Variants in TNPO3 observed in about 807,000 individuals in gnomAD.
TNPO3 encodes transportin-3.
Under a neutral mutation model 122.8 loss-of-function variants are expected in TNPO3, and 65 were observed. The ratio of observed to expected loss-of-function variants is 0.53; its 90% CI spans 0.43 to 0.65. The LOEUF (loss-of-function observed/expected upper bound fraction) is 0.65. TNPO3 is among the 30% of genes least tolerant of loss of function. TNPO3 has a pLI of 0.00. For missense variants in TNPO3, 850 were observed against 1,136.7 expected, an observed-to-expected ratio of 0.75 and a Z score of 3.63; for synonymous variants, 372 against 411.2, an observed-to-expected ratio of 0.90 and a Z score of 1.15.
At chr7:129,007,745 G>GT (rs1802730613) in intron 4 of TNPO3, among the ~76,000 whole-genome samples, 1 of 152,176 alleles carries the variant, frequency 6.6e-6, no homozygotes. Context: ...AATTAACCAC[G>GT]TAACTATGAG....
intron 1 of TNPO3, among the ~76,000 whole-genome samples, chr7:129,026,264 C>G (rs1805154402): frequency 6.6e-6 from 1 of 151,922 alleles, no homozygotes; most frequent in South Asian, 2.1e-4. Flanking sequence ...AGGGCAGAAG[C>G]AAAAAAACAA....
chr7:129,050,906 T>A (rs944028752), intron 1 of TNPO3, among the ~76,000 whole-genome samples: 2 of 152,106 alleles, frequency 1.3e-5, no homozygotes, highest in African/African-American at 4.8e-5. Flanking sequence ...AATCAGTGGA[T>A]CCAGCACAAC....
rs1360756688 is a variant in TNPO3 at position 128,967,747 on chromosome 7, C to CACAA, written c.2599-356_2599-355insTTGT. 1.3e-5 allele frequency among the ~76,000 whole-genome samples: 2 copies of CACAA among 151,968 alleles called. 1 individual carries two copies. Among genetic ancestry groups the CACAA allele is most frequent in the Admixed American group, 1.3e-4 (2 of 15,250 alleles). On this transcript the variant is annotated intron_variant, in intron 20 of 22. Coordinates refer to ENST00000265388, the MANE Select transcript of TNPO3 (RefSeq NM_012470.4). ...GCACACATGCGAACATGAACACACA[C>CACAA]ACACACACACACACACACTCGCTCT...
intron 21 of TNPO3, among the ~76,000 whole-genome samples, chr7:128,966,611 TCTA>T (rs2081431903): frequency 6.6e-6 from 1 of 152,216 alleles, no homozygotes; most frequent in African/African-American, 2.4e-5. Context: ...GATCTAAATG[TCTA>T]CTAATAGAGG....
intron 12 of TNPO3, 91 bp downstream of exon 12, chr7:128,986,638 T>G: frequency 1.6e-6 from 2 of 1,231,256 alleles, no homozygotes; most frequent in Non-Finnish European, 2.3e-6. Context: ...ACTAAGTACA[T>G]TGCAACTGAA....
intron 1 of TNPO3, among the ~76,000 whole-genome samples, chr7:129,026,731 T>G (rs576203074): frequency 2.6e-4 from 39 of 152,122 alleles, no homozygotes; most frequent in Non-Finnish European, 3.7e-4. Flanking sequence ...GTGTCTTTTG[T>G]AATTACCTGT....
At position 129,054,860 on chromosome 7, in the gene TNPO3, G is replaced by C; in HGVS notation, c.-90C>G. ...CGCCTTCGCGCTTCCTCACTGTCTG[G>C]GCCACGGCCGCTCCCTGACTGGCGC... is the stretch of plus-strand genomic sequence containing the variant. On this transcript the variant is annotated 5_prime_UTR_variant, in exon 1 of 23. Coordinates refer to ENST00000265388, the MANE Select transcript of TNPO3 (RefSeq NM_012470.4). 6.4e-7 allele frequency: 1 copy of C among 1,566,654 alleles called. No individual in the cohort carries two copies. Among genetic ancestry groups the C allele is most frequent in the South Asian group, 1.1e-5 (1 of 88,154 alleles).
At chr7:128,978,600 G>C (rs1799317170) in intron 16 of TNPO3, among the ~76,000 whole-genome samples, 1 of 152,046 alleles carries the variant, frequency 6.6e-6, no homozygotes, top group Admixed American at 6.6e-5. Context: ...TTTTTAGTTT[G>C]TTAATAAATA....
chr7:128,967,441 C>T, intron 20 of TNPO3, 49 bp from the exon 21 acceptor site: 1 of 1,232,150 alleles, frequency 8.1e-7, no homozygotes. Flanking sequence ...ATAGCTTACT[C>T]ACCTGAGACC....
chr7:129,043,917 A>G (rs1440547573), intron 1 of TNPO3, among the ~76,000 whole-genome samples: 3 of 152,230 alleles, frequency 2.0e-5, no homozygotes, highest in Non-Finnish European at 2.9e-5. Context: ...CAGAAAATTT[A>G]TCTTCTTTCA....
chr7:128,976,424 C>T (rs73463027), intron 16 of TNPO3, among the ~76,000 whole-genome samples: 3 of 152,178 alleles, frequency 2.0e-5, no homozygotes, highest in South Asian at 2.1e-4. Context: ...GTGTTTTCTA[C>T]GAAGATATTT....
intron 1 of TNPO3, among the ~76,000 whole-genome samples, chr7:129,039,657 A>G (rs1807127340): frequency 6.6e-6 from 1 of 152,224 alleles, no homozygotes; most frequent in South Asian, 2.1e-4. Context: ...CGATAGCCAA[A>G]AAGTGGAAAC....
chr7:129,027,500 G>A (rs540346022), intron 1 of TNPO3, among the ~76,000 whole-genome samples: 6 of 127,838 alleles, frequency 4.7e-5, no homozygotes, highest in African/African-American at 1.7e-4. Context: ...GGTGGATGCT[G>A]TAGTGAGCCA....
intron 1 of TNPO3, chr7:129,029,011 C>G: frequency 4.9e-6 from 2 of 408,092 alleles, no homozygotes; most frequent in East Asian, 1.4e-4. Context: ...ATTAGGATGC[C>G]TTCTATGTCA....
chr7:128,965,191 A>T (rs1237157591), intron 21 of TNPO3, among the ~76,000 whole-genome samples: 2 of 152,242 alleles, frequency 1.3e-5, no homozygotes, highest in African/African-American at 4.8e-5. Context: ...CATGTACCTG[A>T]TAAGGAATTA....
intron 16 of TNPO3, among the ~76,000 whole-genome samples, chr7:128,978,365 A>G (rs1799285582): frequency 6.6e-6 from 1 of 152,260 alleles, no homozygotes; most frequent in South Asian, 2.1e-4. Flanking sequence ...TTGGGCAAAG[A>G]AACAGCAAAG....
intron 1 of TNPO3, among the ~76,000 whole-genome samples, chr7:129,034,498 C>T (rs922823186): frequency 1.3e-5 from 2 of 151,690 alleles, no homozygotes; most frequent in Middle Eastern, 3.4e-3. Context: ...AGAGCAAGAC[C>T]CTGTCTTGGA....
chr7:129,019,964 C>T (rs1424113598), intron 1 of TNPO3, among the ~76,000 whole-genome samples: 1 of 151,978 alleles, frequency 6.6e-6, no homozygotes, highest in African/African-American at 2.4e-5. Flanking sequence ...CCACCACACT[C>T]CAGCCTGGGT....
chr7:129,052,964 C>T (rs1437028035), intron 1 of TNPO3, among the ~76,000 whole-genome samples: 1 of 152,172 alleles, frequency 6.6e-6, no homozygotes, highest in East Asian at 1.9e-4. Context: ...GTGTAGCCTA[C>T]AGTGAGTCGT....
Sources: gnomAD v4.1 joint callset for allele counts (sites outside exome capture counted in the v4.1 genomes callset) on GRCh38, gnomAD v4.1.1 for gene constraint, MANE v1.5 for transcripts, NCBI Gene and HGNC (gene_info 2026-07-23, HGNC 2026-07-21) for gene names.